The following MCC variants were observed in gnomAD, a reference collection of about 807,000 sequenced individuals.
MCC encodes MCC regulator of Wnt signaling pathway.
MCC carries 90 observed loss-of-function variants against 116.2 expected under a neutral mutation model. The observed-to-expected ratio is 0.77, with a 90% confidence interval of 0.65 to 0.92. MCC has a LOEUF of 0.92. Among genes scored for constraint, MCC ranks in the 40% least tolerant of loss-of-function variants. MCC has a pLI of 0.00. For synonymous variants in MCC, 578 were observed against 510.5 expected (o/e 1.13, Z -1.78); for missense variants, 1,516 against 1,312.2 (o/e 1.16, Z -2.40).
At chr5:113,440,761 GA>G (rs913745912) in intron 1 of MCC, among the ~76,000 whole-genome samples, 61 of 152,118 alleles carry the variant, frequency 4.0e-4, no homozygotes, top group Non-Finnish European at 5.9e-5. Flanking sequence ...AACGAAGAAA[GA>G]AGAGGAGGAA....
chr5:113,173,696 G>A (rs1761186402), intron 3 of MCC, among the ~76,000 whole-genome samples: 1 of 152,068 alleles, frequency 6.6e-6, no homozygotes, highest in Non-Finnish European at 1.5e-5. Flanking sequence ...AATTCCTTGA[G>A]GACAAACTTT....
At chr5:113,138,683 C>T (rs1386660571) in intron 5 of MCC, among the ~76,000 whole-genome samples, 6 of 152,144 alleles carry the variant, frequency 3.9e-5, no homozygotes, top group African/African-American at 1.4e-4. Flanking sequence ...TTCCTAAGTC[C>T]CTGCTCTGAC....
At chr5:113,154,748 G>C (rs1032948909) in intron 3 of MCC, among the ~76,000 whole-genome samples, 1 of 151,484 alleles carries the variant, frequency 6.6e-6, no homozygotes, top group African/African-American at 2.4e-5. Flanking sequence ...CCTCTAGGCA[G>C]TTAAAACTTT....
intron 1 of MCC, among the ~76,000 whole-genome samples, chr5:113,452,776 G>T (rs1319430698): frequency 1.3e-5 from 2 of 152,200 alleles, no homozygotes. Context: ...TCAAGTCTAA[G>T]ATTATGATTT....
In MCC at chr5:113,201,313, G is replaced by A. The variant is rs558063355; in HGVS notation, c.628-49891C>T. 9.8e-4 allele frequency among the ~76,000 whole-genome samples: 148 copies of A among 150,682 alleles called. 1 individual carries two copies. Among genetic ancestry groups the A allele is most frequent in the African/African-American group, 3.6e-3 (146 of 41,114 alleles). ...AAGCAGGAGAATTGCTTGAACCCAGGAGGCAGAGGTTGCAGTGAGCTGAGA... is the reference window on the plus strand; with the variant it reads ...AAGCAGGAGAATTGCTTGAACCCAGAAGGCAGAGGTTGCAGTGAGCTGAGA... On this transcript the variant is annotated intron_variant, in intron 3 of 18. Coordinates refer to ENST00000408903, the MANE Select transcript of MCC (RefSeq NM_001085377.2).
At chr5:113,433,765 G>C (rs756349312) in intron 1 of MCC, 1 of 1,613,232 alleles carries the variant, frequency 6.2e-7, no homozygotes, top group African/African-American at 1.3e-5. Flanking sequence ...GGAGGCTGTT[G>C]GGGGGGCCCT....
chr5:113,366,791 T>A (rs1288367597), intron 2 of MCC, among the ~76,000 whole-genome samples: 1 of 152,194 alleles, frequency 6.6e-6, no homozygotes, highest in Non-Finnish European at 1.5e-5. Flanking sequence ...TTCAGCTTTT[T>A]AAAATTATTT....
intron 1 of MCC, among the ~76,000 whole-genome samples, chr5:113,403,144 T>C (rs1301509853): frequency 6.6e-6 from 1 of 152,112 alleles, no homozygotes; most frequent in East Asian, 1.9e-4. Flanking sequence ...ATGTCATGAA[T>C]ATGGCTAAAA....
chr5:113,409,010 A>T (rs1769908718), intron 1 of MCC, among the ~76,000 whole-genome samples: 4 of 152,204 alleles, frequency 2.6e-5, no homozygotes, highest in African/African-American at 2.4e-5. Flanking sequence ...TAGGACGTGG[A>T]TCAATTTTAG....
At chr5:113,083,070 TG>T (rs1383272259) in intron 10 of MCC, 62 bp from the exon 11 acceptor site, 1 of 1,500,000 alleles carries the variant, frequency 6.7e-7, no homozygotes, top group African/African-American at 1.4e-5. Flanking sequence ...ATGTTTTGCA[TG>T]CAAAAGAATT....
At chr5:113,146,100 C>T (rs182885970) in intron 4 of MCC, among the ~76,000 whole-genome samples, 2 of 131,054 alleles carry the variant, frequency 1.5e-5, no homozygotes, top group East Asian at 5.0e-4. Context: ...GTTTACATTC[C>T]TATATTTTTC....
Position 113,255,566 on chromosome 5 carries a change from T to C in MCC, c.627+84953A>G, listed in dbSNP as rs1764974834. On this transcript the variant is annotated intron_variant, in intron 3 of 18. Coordinates refer to ENST00000408903, the MANE Select transcript of MCC (RefSeq NM_001085377.2). ...CAGTTTGATTTGGGTTTCTGTCATCTGCAAGTGAGAAAGATCTAACTAATA... is the reference window on the plus strand; with the variant it reads ...CAGTTTGATTTGGGTTTCTGTCATCCGCAAGTGAGAAAGATCTAACTAATA... Among the ~76,000 whole-genome samples, 3 of 152,234 alleles carry C rather than the reference T, an allele frequency of 2.0e-5. No homozygotes were observed. In the South Asian group the frequency reaches 6.2e-4, roughly 32 times the overall value.
intron 1 of MCC, chr5:113,433,793 C>G (rs775513009): frequency 1.2e-6 from 2 of 1,613,778 alleles, no homozygotes; most frequent in African/African-American, 2.7e-5. Flanking sequence ...TCTCCATAGT[C>G]GACGGCTTGC....
At chr5:113,250,843 C>A (rs542950925) in intron 3 of MCC, among the ~76,000 whole-genome samples, 34 of 152,164 alleles carry the variant, frequency 2.2e-4, no homozygotes, top group Middle Eastern at 3.4e-3. Context: ...GGGGTCAGTC[C>A]AAGGTCGACC....
At chr5:113,362,496 T>C (rs2150385779) in intron 2 of MCC, among the ~76,000 whole-genome samples, 1 of 152,368 alleles carries the variant, frequency 6.6e-6, no homozygotes, top group Non-Finnish European at 1.5e-5. Flanking sequence ...TGTTCAACTC[T>C]TGCAGATCCT....
intron 2 of MCC, among the ~76,000 whole-genome samples, chr5:113,344,203 T>C (rs1768079631): frequency 2.0e-5 from 3 of 152,162 alleles, no homozygotes. Flanking sequence ...TGTGAAGACC[T>C]CAGTCATTGC....
In MCC at chr5:113,385,020, C is replaced by G. The variant is rs944641814; in HGVS notation, c.363G>C (p.Lys121Asn). 2 of 1,614,124 alleles carry G rather than the reference C, an allele frequency of 1.2e-6. No individual in the cohort carries two copies. The highest frequency in any genetic ancestry group is 2.7e-5 in the African/African-American group (2 of 74,948). ...AGGAAGCAATTCTATCCCTCAGCTT[C>G]TTTGTACAGGAGTTGTCTGACTTTG... ...LSAKSDNSCT[K>N]KLRDRIASWP... The change falls in exon 2 of 19, where the codon AAG becomes AAC. Residue 121 changes from lysine to asparagine, a missense_variant. Physicochemically the swap from Lys to Asn is moderately conservative, Grantham distance 94. Coordinates refer to ENST00000408903, the MANE Select transcript of MCC (RefSeq NM_001085377.2).
intron 1 of MCC, among the ~76,000 whole-genome samples, chr5:113,483,335 T>C (rs1772427681): frequency 6.6e-6 from 1 of 152,218 alleles, no homozygotes; most frequent in Non-Finnish European, 1.5e-5. Flanking sequence ...AAGGACTGCA[T>C]TGATTCTGTA....
chr5:113,067,456 AT>A (rs1442142915), intron 13 of MCC, among the ~76,000 whole-genome samples: 5 of 152,184 alleles, frequency 3.3e-5, no homozygotes, highest in Non-Finnish European at 2.9e-5. Context: ...GCTGACCAAC[AT>A]GGTGAAACTG....
Sources: allele counts gnomAD v4.1 joint callset (sites outside exome capture counted in the v4.1 genomes callset), GRCh38; gene constraint gnomAD v4.1.1; transcripts MANE v1.5; gene names NCBI Gene and HGNC (gene_info 2026-07-23, HGNC 2026-07-21).